C16orf96: variants seen among roughly 807,000 people sequenced by gnomAD.
The protein encoded by C16orf96 is chromosome 16 open reading frame 96.
C16orf96 carries 108 observed loss-of-function variants against 103.6 expected under a neutral mutation model. The ratio of observed to expected loss-of-function variants is 1.04; its 90% CI spans 0.89 to 1.22. The LOEUF (loss-of-function observed/expected upper bound fraction) is 1.22, where lower values mean the gene tolerates loss of function less well. C16orf96 is among the 50% of genes most tolerant of loss of function. The pLI is 0.00. For missense variants in C16orf96, 1,586 were observed against 1,464.2 expected (o/e 1.08, Z -1.36); for synonymous variants, 566 against 593.5 (o/e 0.95, Z 0.67).
rs1897240307 is a variant in C16orf96 at position 4,599,437 on chromosome 16, C to T, written c.3208+73C>T. On this transcript the variant is annotated intron_variant, in intron 15 of 15. Transcript: ENST00000444310. ...TCTCCAGTCCCTCCTCGTCTCATCCCATCCCCCACACCCCGCCTGGGCTCT... is the reference window on the plus strand; with the variant it reads ...TCTCCAGTCCCTCCTCGTCTCATCCTATCCCCCACACCCCGCCTGGGCTCT... 1.1e-5 allele frequency: 15 copies of T among 1,311,206 alleles called. No homozygotes were observed. In the East Asian group the frequency reaches 3.8e-4, roughly 33 times the overall value. 81.2% of individuals were successfully genotyped at this position (1,311,206 alleles called of 1,614,324 possible).
At chr16:4,583,749 C>G (rs569965049) in intron 7 of C16orf96, among the ~76,000 whole-genome samples, 1 of 151,510 alleles carries the variant, frequency 6.6e-6, no homozygotes, top group South Asian at 2.1e-4. Context: ...ATGGTGAAAC[C>G]GTGTCTCTAC....
At chr16:4,598,128 G>GCAA (rs1897211842) in intron 14 of C16orf96, among the ~76,000 whole-genome samples, 1 of 152,128 alleles carries the variant, frequency 6.6e-6, no homozygotes, top group Non-Finnish European at 1.5e-5. Context: ...GAAGCCTGAG[G>GCAA]ATCACTTGAG....
the C16orf96 span, among the ~76,000 whole-genome samples, chr16:4,540,531 G>A: frequency 6.6e-6 from 1 of 152,014 alleles, no homozygotes; most frequent in East Asian, 1.9e-4. Flanking sequence ...TCAGGAGTTT[G>A]AGACCAGCCT....
At chr16:4,541,366 C>T in the C16orf96 span, among the ~76,000 whole-genome samples, 1 of 152,188 alleles carries the variant, frequency 6.6e-6, no homozygotes, top group Non-Finnish European at 1.5e-5. Context: ...GGTGCTTTCT[C>T]ATTCATTCAT....
At chr16:4,594,853 T>G (rs553203585) in intron 14 of C16orf96, 50 bp downstream of exon 14, 239 of 1,526,748 alleles carry the variant, frequency 1.6e-4, no homozygotes, top group Non-Finnish European at 2.0e-4. Flanking sequence ...GCCCTGGTTC[T>G]GCTGGGCAGG....
At position 4,575,419 on chromosome 16, in the gene C16orf96, G is replaced by A. The variant is rs777259095; in HGVS notation, c.939G>A (p.Thr313=). ...AGCCAGCGCAGCCTCCGGCCCTCAC[G>A]CCTGAGTCTGCACCTGGGTGCACAA... is the stretch of plus-strand genomic sequence containing the variant. ...AQEPAQPPAL[T]PESAPGCTTE... The change falls in exon 5 of 16, where the codon ACG becomes ACA. Residue 313 remains threonine (T), a synonymous_variant. Transcript: ENST00000444310. 4 of 1,549,942 alleles carry A rather than the reference G, an allele frequency of 2.6e-6. No homozygotes were observed. Among genetic ancestry groups the A allele is most frequent in the African/African-American group, 1.4e-5 (1 of 73,170 alleles).
the C16orf96 span, among the ~76,000 whole-genome samples, chr16:4,550,265 A>T: frequency 2.0e-5 from 3 of 152,014 alleles, no homozygotes; most frequent in Non-Finnish European, 4.4e-5. Flanking sequence ...TTATAATTTT[A>T]GTAGAGACAG....
chr16:4,584,125 A>T (rs181294534), intron 7 of C16orf96, among the ~76,000 whole-genome samples: 92 of 152,244 alleles, frequency 6.0e-4, no homozygotes, highest in African/African-American at 2.1e-3. Flanking sequence ...CAAATGCAGG[A>T]TGGGAGCAAG....
At chr16:4,592,501 C>A in intron 11 of C16orf96, 134 bp downstream of exon 11, 1 of 1,023,778 alleles carries the variant, frequency 9.8e-7, no homozygotes. Flanking sequence ...TTCTCTCCAG[C>A]CATCAAGTCC....
At chr16:4,566,532 T>C (rs897647916) in intron 1 of C16orf96, among the ~76,000 whole-genome samples, 18 of 152,252 alleles carry the variant, frequency 1.2e-4, no homozygotes, top group African/African-American at 4.3e-4. Context: ...GGGTTATTTG[T>C]ATCATTGAGT....
At chr16:4,562,169 C>T (rs1377821836) in intron 1 of C16orf96, among the ~76,000 whole-genome samples, 1 of 152,138 alleles carries the variant, frequency 6.6e-6, no homozygotes, top group African/African-American at 2.4e-5. Context: ...TCAGTTCTTT[C>T]TACAGATGTT....
At chr16:4,582,057 G>A (rs1404497221) in intron 7 of C16orf96, among the ~76,000 whole-genome samples, 8 of 152,074 alleles carry the variant, frequency 5.3e-5, no homozygotes, top group Non-Finnish European at 8.8e-5. Flanking sequence ...TGAGGCAGGC[G>A]GATCACCTGA....
intron 7 of C16orf96, among the ~76,000 whole-genome samples, chr16:4,583,131 G>A (rs1476870457): frequency 6.6e-6 from 1 of 152,086 alleles, no homozygotes; most frequent in Non-Finnish European, 1.5e-5. Context: ...CCAGCTACTC[G>A]GGAGGCTGAG....
At chr16:4,568,629 A>ATT (rs34974380) in intron 1 of C16orf96, among the ~76,000 whole-genome samples, 5,988 of 125,526 alleles carry the variant, frequency 0.048, 238 homozygotes, top group Non-Finnish European at 0.062. Flanking sequence ...TTTCTTTTTA[A>ATT]TTTTTTTTTT....
chr16:4,599,957 G>C, intron 15 of C16orf96, 143 bp from the exon 16 acceptor site: 1 of 800,884 alleles, frequency 1.2e-6, no homozygotes, highest in Non-Finnish European at 1.9e-6. Flanking sequence ...GCCCAGGTGA[G>C]GTATGGTGCC....
chr16:4,570,129 T>G (rs955723472), intron 1 of C16orf96, among the ~76,000 whole-genome samples: 1 of 152,112 alleles, frequency 6.6e-6, no homozygotes, highest in Non-Finnish European at 1.5e-5. Flanking sequence ...ATTTTTGAAT[T>G]ACGGAGACGG....
the C16orf96 span, among the ~76,000 whole-genome samples, chr16:4,547,689 C>CTTCCTTCTTTCTTTCT: frequency 0.034 from 750 of 22,124 alleles, 4 homozygotes; most frequent in East Asian, 0.092. Flanking sequence ...TCCTTCCTTC[C>CTTCCTTCTTTCTTTCT]TTCTTTCTTT....
intron 8 of C16orf96, among the ~76,000 whole-genome samples, 172 bp from the exon 9 acceptor site, chr16:4,587,995 T>C (rs1198123504): frequency 6.6e-6 from 1 of 152,184 alleles, no homozygotes; most frequent in Non-Finnish European, 1.5e-5. Flanking sequence ...AACCTTGGCT[T>C]TGATCTCGAG....
intron 1 of C16orf96, chr16:4,562,782 G>A (rs2059345744): frequency 2.8e-6 from 3 of 1,087,888 alleles, no homozygotes; most frequent in South Asian, 2.7e-5. Context: ...AACTAGAACA[G>A]TACAGGTTTT....
Sources: allele counts gnomAD v4.1 joint callset (sites outside exome capture counted in the v4.1 genomes callset), GRCh38; gene constraint gnomAD v4.1.1; transcripts MANE v1.5; gene names NCBI Gene and HGNC (gene_info 2026-07-23, HGNC 2026-07-21).